The following KIAA1671 variants were observed in gnomAD, a reference collection of about 807,000 sequenced individuals.
The protein encoded by KIAA1671 is uncharacterized protein KIAA1671.
KIAA1671 carries 52 observed loss-of-function variants against 131.2 expected under a neutral mutation model. The observed-to-expected ratio is 0.40, with a 90% CI of 0.32 to 0.50. The LOEUF (loss-of-function observed/expected upper bound fraction) is 0.50. Among genes scored for constraint, KIAA1671 ranks in the 20% least tolerant of loss-of-function variants. The pLI is 0.73. For synonymous variants in KIAA1671, 1,003 were observed against 961.6 expected, an observed-to-expected ratio of 1.04 and a Z score of -0.80; for missense variants, 2,360 against 2,364.2, an observed-to-expected ratio of 1.00 and a Z score of 0.04.
At chr22:25,019,093 T>TGTGTG (rs56396537) in intron 1 of KIAA1671, among the ~76,000 whole-genome samples, 6 of 146,118 alleles carry the variant, frequency 4.1e-5, no homozygotes, top group African/African-American at 1.3e-4. Flanking sequence ...TGTGTGTGTG[T>TGTGTG]TTTAATTAAG....
At chr22:24,975,538 G>A (rs1370637050) in intron 1 of KIAA1671, among the ~76,000 whole-genome samples, 1 of 152,028 alleles carries the variant, frequency 6.6e-6, no homozygotes, top group East Asian at 1.9e-4. Flanking sequence ...AGGCTTCTGA[G>A]TTCAAGTGCT....
chr22:25,021,424 C>A (rs1173354588), intron 1 of KIAA1671, among the ~76,000 whole-genome samples: 1 of 150,568 alleles, frequency 6.6e-6, no homozygotes, highest in Non-Finnish European at 1.5e-5. Context: ...CACATTCTCT[C>A]TTTTTCTGTC....
chr22:25,021,350 C>A (rs996599851), intron 1 of KIAA1671, among the ~76,000 whole-genome samples: 3 of 151,902 alleles, frequency 2.0e-5, no homozygotes, highest in Admixed American at 6.6e-5. Context: ...TGAGACATTG[C>A]GCCTGGCCAG....
chr22:25,066,516 C>G (rs1351227615), intron 6 of KIAA1671, among the ~76,000 whole-genome samples: 5 of 152,174 alleles, frequency 3.3e-5, no homozygotes. Flanking sequence ...AATCACCTCT[C>G]AAGTGTTCCA....
chr22:24,989,336 G>T (rs552432756), intron 1 of KIAA1671, among the ~76,000 whole-genome samples: 15 of 152,136 alleles, frequency 9.9e-5, no homozygotes, highest in Non-Finnish European at 2.1e-4. Flanking sequence ...CTTGCAGGGG[G>T]GTCACAGCCC....
At chr22:25,189,416 G>C (rs1364442330) in intron 11 of KIAA1671, among the ~76,000 whole-genome samples, 1 of 151,894 alleles carries the variant, frequency 6.6e-6, no homozygotes, top group Admixed American at 6.6e-5. Context: ...CTCGTGATCC[G>C]CCCAGCTCGG....
chr22:24,969,574 TAC>T (rs1331858430), intron 1 of KIAA1671, among the ~76,000 whole-genome samples: 8 of 152,200 alleles, frequency 5.3e-5, no homozygotes, highest in Admixed American at 4.6e-4. Flanking sequence ...GGGCTGCCTG[TAC>T]AGATAAATAA....
chr22:25,044,436 G>A (rs1927112106), intron 5 of KIAA1671, among the ~76,000 whole-genome samples: 1 of 152,124 alleles, frequency 6.6e-6, no homozygotes, highest in Non-Finnish European at 1.5e-5. Context: ...GGTGGTGGGG[G>A]AGTCGGGATG....
Position 25,059,825 on chromosome 22 carries a change from C to T in KIAA1671, c.4530+10461C>T, listed in dbSNP as rs1928061513. The T allele has an allele frequency of 2.0e-5, 3 of 152,212 alleles. No homozygotes were observed. In the South Asian group the frequency reaches 6.2e-4, roughly 32 times the overall value. The allele number at this position is 152,212 out of a possible 1,614,324, so 9.4% of individuals were successfully genotyped here. ...CCCCTGCACTCTCAGGGTGCCCACTCATCACTGAGCAGAGAGAAGGGTTCA... is the reference window on the plus strand; with the variant it reads ...CCCCTGCACTCTCAGGGTGCCCACTTATCACTGAGCAGAGAGAAGGGTTCA... On this transcript the variant is annotated intron_variant, in intron 6 of 12. Coordinates refer to ENST00000358431, the MANE Select transcript of KIAA1671 (RefSeq NM_001145206.2).
chr22:24,974,221 A>T (rs751003645), intron 1 of KIAA1671, among the ~76,000 whole-genome samples: 1 of 152,190 alleles, frequency 6.6e-6, no homozygotes, highest in African/African-American at 2.4e-5. Context: ...ACTGAAGTTC[A>T]GGTTTCCAGC....
At chr22:25,001,243 G>GTA (rs776883002) in intron 1 of KIAA1671, among the ~76,000 whole-genome samples, 4 of 144,614 alleles carry the variant, frequency 2.8e-5, no homozygotes, top group Non-Finnish European at 6.3e-5. Flanking sequence ...GTATATGTGT[G>GTA]TGTGTGTGTA....
rs536698717 is a variant in KIAA1671, at chr22:24,966,161, C to T, written c.-208+13389C>T. Among the ~76,000 whole-genome samples, 14 of 152,306 alleles carry T rather than the reference C, an allele frequency of 9.2e-5. No individual in the cohort carries two copies. The South Asian group carries it at 2.9e-3, about 32-fold the overall frequency. ...GGAGAAACAGCTGTATTTTCACAGG[C>T]CCCAGGTCAGGGCTGAGGCTCCCAG... On this transcript the variant is annotated intron_variant, in intron 1 of 12. Coordinates refer to ENST00000358431, the MANE Select transcript of KIAA1671 (RefSeq NM_001145206.2).
chr22:25,156,343 A>G (rs528969899), intron 6 of KIAA1671, among the ~76,000 whole-genome samples: 2 of 151,324 alleles, frequency 1.3e-5, no homozygotes, highest in Non-Finnish European at 2.9e-5. Flanking sequence ...CTTTTTATGT[A>G]TATGTAATTG....
At chr22:25,061,310 C>T (rs2145835605) in intron 6 of KIAA1671, 1 of 152,224 alleles carries the variant, frequency 6.6e-6, no homozygotes, top group East Asian at 1.9e-4. Flanking sequence ...ATATTTCAAG[C>T]CTGGGTTCTG....
chr22:24,977,261 T>A (rs1252630768), intron 1 of KIAA1671, among the ~76,000 whole-genome samples: 1 of 152,194 alleles, frequency 6.6e-6, no homozygotes, highest in Non-Finnish European at 1.5e-5. Flanking sequence ...AAAGGGAAAC[T>A]GACAGCGCAA....
intron 6 of KIAA1671, among the ~76,000 whole-genome samples, chr22:25,077,206 T>C (rs1929158633): frequency 6.6e-6 from 1 of 152,222 alleles, no homozygotes; most frequent in Admixed American, 6.5e-5. Context: ...CCTAGAATCC[T>C]GGCCCTGTCT....
At chr22:25,082,124 A>T (rs1929441778) in intron 6 of KIAA1671, among the ~76,000 whole-genome samples, 2 of 152,166 alleles carry the variant, frequency 1.3e-5, no homozygotes, top group Non-Finnish European at 2.9e-5. Context: ...TGGGGGTTTC[A>T]AGCTGAGTGG....
At chr22:25,015,166 G>A (rs2123881628) in intron 1 of KIAA1671, 1 of 149,750 alleles carries the variant, frequency 6.7e-6, no homozygotes, top group Admixed American at 6.7e-5. Flanking sequence ...CTTGAGCCCA[G>A]GAGATTGAGA....
At chr22:25,081,028 G>A (rs2145863990) in intron 6 of KIAA1671, among the ~76,000 whole-genome samples, 1 of 152,242 alleles carries the variant, frequency 6.6e-6, no homozygotes, top group African/African-American at 2.4e-5. Flanking sequence ...ACATTCCAGG[G>A]CTTAGAGCAG....
Sources: gnomAD v4.1 joint callset for allele counts (sites outside exome capture counted in the v4.1 genomes callset) on GRCh38, gnomAD v4.1.1 for gene constraint, MANE v1.5 for transcripts, NCBI Gene and HGNC (gene_info 2026-07-23, HGNC 2026-07-21) for gene names.